The following FOCAD variants were observed in gnomAD, a reference collection of about 807,000 sequenced individuals.
The protein encoded by FOCAD is KIAA1797.
In FOCAD, 198 loss-of-function variants were observed where a neutral mutation model predicts 225.6. That is an observed-to-expected ratio of 0.88 (90% CI 0.78 to 0.99). The LOEUF (loss-of-function observed/expected upper bound fraction) is 0.99. FOCAD is among the 50% of genes least tolerant of loss of function. FOCAD has a pLI of 0.00. For missense variants in FOCAD, 2,713 were observed against 2,123.6 expected, an observed-to-expected ratio of 1.28 and a Z score of -5.46; for synonymous variants, 897 against 755.0, an observed-to-expected ratio of 1.19 and a Z score of -3.08.
At chr9:20,815,686 G>T (rs1587280337) in intron 11 of FOCAD, among the ~76,000 whole-genome samples, 1 of 152,192 alleles carries the variant, frequency 6.6e-6, no homozygotes, top group East Asian at 1.9e-4. Context: ...GGAGGGAAGA[G>T]AAAGCATTGA....
rs1349530916 is a variant in FOCAD at position 20,770,361 on chromosome 9, G to C, written c.906+123G>C. On this transcript the variant is annotated intron_variant, in intron 8 of 43. Coordinates refer to ENST00000338382, the MANE Select transcript of FOCAD (RefSeq NM_001375567.1). ...TCTGGCAGGCTGTACAGGATGCATG[G>C]TGCTGGCATCTGCTTAGCTTCTGGG... is the stretch of plus-strand genomic sequence containing the variant. 3.5e-6 allele frequency: 3 copies of C among 864,660 alleles called. No individual in the cohort carries two copies. The Admixed American group carries it at 8.0e-5, about 23-fold the overall frequency. The allele number at this position is 864,660 out of a possible 1,614,324, so 53.6% of individuals were successfully genotyped here.
At chr9:20,952,643 C>T (rs1461636520) in intron 34 of FOCAD, 9 of 302,528 alleles carry the variant, frequency 3.0e-5, no homozygotes, top group South Asian at 6.9e-5. Context: ...CGTTGCTGAA[C>T]GCTGAGGAGG....
At chr9:20,777,787 C>A (rs187601137) in intron 8 of FOCAD, among the ~76,000 whole-genome samples, 1 of 151,962 alleles carries the variant, frequency 6.6e-6, no homozygotes, top group East Asian at 1.9e-4. Context: ...GTATTTTAGG[C>A]AACTTTCAAT....
intron 21 of FOCAD, among the ~76,000 whole-genome samples, chr9:20,888,464 A>G (rs1170747729): frequency 6.6e-6 from 1 of 152,076 alleles, no homozygotes; most frequent in Non-Finnish European, 1.5e-5. Context: ...TATTTTGAAG[A>G]GTGGACTTTT....
Position 20,866,917 on chromosome 9 carries a change from T to TTTTTTTTTTTAAAAAA in FOCAD, c.2107-12_2107-11insTTTTTTTTTTAAAAAA. On this transcript the variant is annotated splice_polypyrimidine_tract_variant and intron_variant, in intron 17 of 43. Transcript: ENST00000338382. ...TTTTTTTTTTTTTTTTTTTTTTTTT[T>TTTTTTTTTTTAAAAAA]ACCCTATCTAGGACCCAATTGTAGC... 2 of 764,972 alleles carry TTTTTTTTTTTAAAAAA rather than the reference T, an allele frequency of 2.6e-6. No homozygotes were observed. Among genetic ancestry groups the TTTTTTTTTTTAAAAAA allele is most frequent in the Non-Finnish European group, 4.0e-6 (2 of 498,468 alleles). The allele number at this position is 764,972 out of a possible 1,614,324, so 47.4% of individuals were successfully genotyped here.
intron 1 of FOCAD, among the ~76,000 whole-genome samples, chr9:20,713,815 C>T (rs1313905397): frequency 1.3e-5 from 2 of 152,272 alleles, no homozygotes; most frequent in Non-Finnish European, 2.9e-5. Context: ...CTTTAGGAGA[C>T]TCTGTTGTGA....
intron 5 of FOCAD, 24 bp from the exon 6 acceptor site, chr9:20,758,066 C>G: frequency 6.5e-7 from 1 of 1,533,148 alleles, no homozygotes. Flanking sequence ...AACAGGTTCC[C>G]ATGTGACTTT....
chr9:20,806,934 CCTT>C (rs1822523205), intron 11 of FOCAD, among the ~76,000 whole-genome samples: 1 of 152,238 alleles, frequency 6.6e-6, no homozygotes, highest in East Asian at 1.9e-4. Context: ...GTTGTGTAAA[CCTT>C]CTGCATAGAT....
intron 10 of FOCAD, among the ~76,000 whole-genome samples, chr9:20,783,418 C>G (rs1819601472): frequency 6.6e-6 from 1 of 151,908 alleles, no homozygotes; most frequent in South Asian, 2.1e-4. Context: ...ACTTTACATT[C>G]CAGTCACACC....
intron 2 of FOCAD, among the ~76,000 whole-genome samples, chr9:20,662,196 G>C (rs1373768391): frequency 6.7e-6 from 1 of 148,370 alleles, no homozygotes; most frequent in African/African-American, 2.4e-5. Flanking sequence ...GTGTGTGTGT[G>C]TGCATATATG....
rs769039542 is a variant in FOCAD at position 20,981,593 on chromosome 9, G to A, written c.4545G>A (p.Gln1515=). The change falls in exon 38 of 44, where the codon CAG becomes CAA. Residue 1515 remains glutamine (Q), a synonymous_variant. Coordinates refer to ENST00000338382, the MANE Select transcript of FOCAD (RefSeq NM_001375567.1). ...LCPSALHGLS[Q]AMKLPSPAHH... The stretch of plus-strand genomic sequence containing the variant: ...CAAGTGCTTTACACGGTCTGAGCCA[G>A]GCCATGAAACTGCCCAGCCCTGCCC... 28 of 1,613,944 alleles carry A rather than the reference G, an allele frequency of 1.7e-5. No homozygotes were observed. Among genetic ancestry groups the A allele is most frequent in the Non-Finnish European group, 2.3e-5 (27 of 1,180,014 alleles).
rs770660747 is a variant in FOCAD at position 20,948,833 on chromosome 9, C to G, written c.3799-18C>G. The G allele has an allele frequency of 3.1e-6, 5 of 1,612,808 alleles. No homozygotes were observed. The Admixed American group carries it at 8.3e-5, about 27-fold the overall frequency. ...AGGACTGATTCCCTCTTTTCATATTCTGATGCTTTGTTTTCAGGGCACTCC... is the reference window on the plus strand; with the variant it reads ...AGGACTGATTCCCTCTTTTCATATTGTGATGCTTTGTTTTCAGGGCACTCC... On this transcript the variant is annotated intron_variant, in intron 31 of 43. Transcript: ENST00000338382.
intron 11 of FOCAD, among the ~76,000 whole-genome samples, chr9:20,791,331 T>G (rs1297262260): frequency 6.6e-6 from 1 of 151,924 alleles, no homozygotes; most frequent in East Asian, 1.9e-4. Flanking sequence ...TGCCACAAAG[T>G]TTTTTCCCCT....
chr9:20,847,611 G>T (rs756628576), intron 15 of FOCAD, among the ~76,000 whole-genome samples: 1 of 151,774 alleles, frequency 6.6e-6, no homozygotes, highest in African/African-American at 2.4e-5. Context: ...GGGGAAGGAG[G>T]GGCGATAATC....
chr9:20,746,735 A>G (rs922830450), intron 5 of FOCAD, among the ~76,000 whole-genome samples: 1 of 152,232 alleles, frequency 6.6e-6, no homozygotes, highest in Non-Finnish European at 1.5e-5. Flanking sequence ...CATACAGTCC[A>G]TATTCCAGTT....
chr9:20,683,119 A>G (rs1036842264), upstream of FOCAD, among the ~76,000 whole-genome samples: 1 of 152,134 alleles, frequency 6.6e-6, no homozygotes, highest in African/African-American at 2.4e-5. Context: ...GGTTATTGGG[A>G]AAACTGTTAA....
Position 20,786,486 on chromosome 9 carries a change from C to A in FOCAD, c.1198-2865C>A, listed in dbSNP as rs62557556. On this transcript the variant is annotated intron_variant, in intron 10 of 43. Transcript: ENST00000338382. ...GGCTCTCTTGAGGGTTTATGTAGTC[C>A]AGTCTTCTGCTGCTTGACTGATGAG... is the stretch of plus-strand genomic sequence containing the variant. Among the ~76,000 whole-genome samples the A allele has an allele frequency of 3.9e-3, 591 of 152,188 alleles. 4 individuals are homozygous for A. Among genetic ancestry groups the A allele is most frequent in the Non-Finnish European group, 5.6e-3 (381 of 68,006 alleles).
intron 29 of FOCAD, among the ~76,000 whole-genome samples, chr9:20,945,447 A>ATTTTATCCC (rs1327989894): frequency 3.9e-5 from 6 of 152,142 alleles, no homozygotes; most frequent in Admixed American, 1.3e-4. Context: ...AACAGATTCT[A>ATTTTATCCC]TTTTATCCCA....
At chr9:20,954,357 T>A (rs1837951003) in intron 35 of FOCAD, among the ~76,000 whole-genome samples, 1 of 152,222 alleles carries the variant, frequency 6.6e-6, no homozygotes, top group South Asian at 2.1e-4. Context: ...TAGGAATACA[T>A]ATATATTTCT....
Sources: allele counts gnomAD v4.1 joint callset (sites outside exome capture counted in the v4.1 genomes callset), GRCh38; gene constraint gnomAD v4.1.1; transcripts MANE v1.5; gene names NCBI Gene and HGNC (gene_info 2026-07-23, HGNC 2026-07-21).